The following AGBL1 variants were observed in gnomAD, a reference collection of about 807,000 sequenced individuals.
AGBL1 encodes cytosolic carboxypeptidase 4.
A neutral mutation model predicts 118.9 loss-of-function variants in AGBL1; 130 were observed. The ratio of observed to expected loss-of-function variants is 1.09; its 90% CI spans 0.95 to 1.26. AGBL1 has a LOEUF of 1.26. AGBL1 is among the 50% of genes most tolerant of loss of function. The pLI is 0.00. For missense variants in AGBL1, 1,584 were observed against 1,298.1 expected, an observed-to-expected ratio of 1.22 and a Z score of -3.38; for synonymous variants, 555 against 478.9, an observed-to-expected ratio of 1.16 and a Z score of -2.08.
At chr15:87,025,551 T>C (rs2081718304) in intron 24 of AGBL1, among the ~76,000 whole-genome samples, 1 of 151,934 alleles carries the variant, frequency 6.6e-6, no homozygotes, top group Non-Finnish European at 1.5e-5. Context: ...GTAGAATCAA[T>C]ATTGTGAAAA....
intron 9 of AGBL1, chr15:86,262,565 C>A: frequency 3.2e-6 from 2 of 617,496 alleles, no homozygotes; most frequent in South Asian, 3.2e-5. Context: ...TAAATACTGA[C>A]ATAAATGCTG....
intron 22 of AGBL1, among the ~76,000 whole-genome samples, chr15:86,705,098 A>G (rs887047187): frequency 3.3e-5 from 5 of 152,080 alleles, no homozygotes; most frequent in African/African-American, 1.2e-4. Flanking sequence ...ACACATGGAC[A>G]CAGGGAGGGA....
intron 14 of AGBL1, among the ~76,000 whole-genome samples, 187 bp from the exon 15 acceptor site, chr15:86,271,432 G>A (rs971330309): frequency 4.6e-5 from 7 of 152,036 alleles, no homozygotes; most frequent in Admixed American, 6.5e-5. Context: ...ATTGCATTTA[G>A]GGCTCACCAG....
chr15:86,470,417 A>G (rs1282206335), intron 18 of AGBL1, among the ~76,000 whole-genome samples: 1 of 151,942 alleles, frequency 6.6e-6, no homozygotes, highest in African/African-American at 2.4e-5. Context: ...ATTGTGTTTC[A>G]TTGGTCTGTA....
chr15:86,732,961 A>G (rs778694776), intron 22 of AGBL1, among the ~76,000 whole-genome samples: 192 of 141,856 alleles, frequency 1.4e-3, no homozygotes, highest in Non-Finnish European at 2.3e-3. Context: ...ATATACACAC[A>G]TATACATATA....
intron 17 of AGBL1, among the ~76,000 whole-genome samples, chr15:86,307,900 TC>T (rs2079864679): frequency 6.6e-6 from 1 of 152,156 alleles, no homozygotes; most frequent in East Asian, 1.9e-4. Flanking sequence ...TATATTTTAG[TC>T]CCCATAACAA....
intron 17 of AGBL1, among the ~76,000 whole-genome samples, chr15:86,308,890 T>C (rs571320302): frequency 6.6e-6 from 1 of 152,328 alleles, no homozygotes; most frequent in African/African-American, 2.4e-5. Flanking sequence ...TTTCTCAAGA[T>C]TGCTTTGGCT....
chr15:86,626,706 T>C (rs1317667279), intron 21 of AGBL1, among the ~76,000 whole-genome samples: 1 of 152,286 alleles, frequency 6.6e-6, no homozygotes, highest in East Asian at 1.9e-4. Flanking sequence ...GTGAAGACTA[T>C]TCTGTTGAAG....
chr15:86,966,410 G>C lies in AGBL1; in HGVS notation c.3222-21577G>C, dbSNP rs1300691449. ...TACATATGTATACATGAGCCATTTT[G>C]GTGTGCTGCACCCAGTAACTCGTCA... On this transcript the variant is annotated intron_variant, in intron 23 of 24. Transcript: ENST00000441037. 3.3e-5 allele frequency among the ~76,000 whole-genome samples: 5 copies of C among 151,138 alleles called. No individual in the cohort carries two copies. In the South Asian group the frequency reaches 8.3e-4, roughly 25 times the overall value.
chr15:86,547,929 C>T (rs886477385), intron 20 of AGBL1, among the ~76,000 whole-genome samples: 6 of 152,160 alleles, frequency 3.9e-5, no homozygotes, highest in African/African-American at 9.7e-5. Context: ...TGGCTTTCAA[C>T]CCAAACAGCT....
chr15:86,677,988 T>C (rs1038536906), intron 22 of AGBL1, among the ~76,000 whole-genome samples: 1 of 150,302 alleles, frequency 6.7e-6, no homozygotes, highest in African/African-American at 2.5e-5. Flanking sequence ...TGTTTTTAAC[T>C]TAATTTATTG....
At chr15:86,552,247 A>G (rs1164257701) in intron 20 of AGBL1, among the ~76,000 whole-genome samples, 1 of 152,164 alleles carries the variant, frequency 6.6e-6, no homozygotes, top group Non-Finnish European at 1.5e-5. Context: ...TGGGGGGCAT[A>G]TGGGAAATCC....
intron 18 of AGBL1, among the ~76,000 whole-genome samples, chr15:86,400,919 G>C (rs1188570463): frequency 1.3e-5 from 2 of 152,096 alleles, no homozygotes; most frequent in Non-Finnish European, 2.9e-5. Context: ...TTGTGCTGCT[G>C]TAAACATGTG....
At chr15:86,836,167 T>C (rs2079168416) in intron 22 of AGBL1, among the ~76,000 whole-genome samples, 1 of 152,216 alleles carries the variant, frequency 6.6e-6, no homozygotes, top group African/African-American at 2.4e-5. Flanking sequence ...AAATTGGTAC[T>C]GGATGAAAAG....
intron 21 of AGBL1, among the ~76,000 whole-genome samples, chr15:86,601,378 A>G (rs764766678): frequency 6.6e-6 from 1 of 152,134 alleles, no homozygotes; most frequent in African/African-American, 2.4e-5. Flanking sequence ...GCTTATACTA[A>G]TAATACAATT....
intron 20 of AGBL1, among the ~76,000 whole-genome samples, chr15:86,549,264 A>G (rs1311691921): frequency 1.3e-5 from 2 of 152,148 alleles, no homozygotes; most frequent in Admixed American, 6.5e-5. Flanking sequence ...AGACTTAAGA[A>G]CTGCCACAAT....
chr15:86,727,256 G>C (rs993922747), intron 22 of AGBL1, among the ~76,000 whole-genome samples: 1 of 152,064 alleles, frequency 6.6e-6, no homozygotes, highest in African/African-American at 2.4e-5. Context: ...CACCACAAAG[G>C]TGACACTAAA....
intron 21 of AGBL1, among the ~76,000 whole-genome samples, chr15:86,643,232 G>A (rs541410682): frequency 6.6e-6 from 1 of 152,252 alleles, no homozygotes; most frequent in East Asian, 1.9e-4. Flanking sequence ...AACATATATA[G>A]TCCTAGAATA....
intron 22 of AGBL1, among the ~76,000 whole-genome samples, chr15:86,845,993 C>T (rs1399838668): frequency 6.6e-6 from 1 of 152,166 alleles, no homozygotes; most frequent in East Asian, 1.9e-4. Flanking sequence ...TCGACACATG[C>T]CTGAGACTGT....
Sources: gnomAD v4.1 joint callset for allele counts (sites outside exome capture counted in the v4.1 genomes callset) on GRCh38, gnomAD v4.1.1 for gene constraint, MANE v1.5 for transcripts, NCBI Gene and HGNC (gene_info 2026-07-23, HGNC 2026-07-21) for gene names.